CNKSR2: variants seen among roughly 807,000 people sequenced by gnomAD.
CNKSR2 encodes connector enhancer of kinase suppressor of Ras 2.
In CNKSR2, 14 loss-of-function variants were observed where a neutral mutation model predicts 84.4. The observed-to-expected ratio is 0.17, with a 90% confidence interval of 0.11 to 0.26. CNKSR2 has a LOEUF of 0.26. Ranked by LOEUF, CNKSR2 falls within the 10% of genes least tolerant of loss-of-function variation. The pLI, the probability that CNKSR2 is intolerant of heterozygous loss-of-function variation, is 1.00. For missense variants in CNKSR2, 485 were observed against 771.2 expected, an observed-to-expected ratio of 0.63 and a Z score of 4.40; for synonymous variants, 275 against 277.9, an observed-to-expected ratio of 0.99 and a Z score of 0.10.
intron 4 of CNKSR2, among the ~76,000 whole-genome samples, chrX:21,469,558 C>A (rs1157582892): frequency 9.6e-6 from 1 of 104,332 alleles, no homozygotes; most frequent in Admixed American, 1.0e-4. Context: ...TTTTTTTTTT[C>A]AAAATTATCC....
intron 5 of CNKSR2, among the ~76,000 whole-genome samples, chrX:21,477,408 C>CT (rs1424961105): frequency 2.3e-4 from 25 of 109,643 alleles, no homozygotes; most frequent in African/African-American, 6.9e-4. Context: ...TCTTTTTTCT[C>CT]TTTTTTTTTC....
At chrX:21,476,823 A>G (rs2091265175) in intron 5 of CNKSR2, among the ~76,000 whole-genome samples, 1 of 112,068 alleles carries the variant, frequency 8.9e-6, no homozygotes, top group Admixed American at 9.5e-5. Context: ...ATTATGTTTC[A>G]CTTCTATTGA....
At position 21,450,760 on chromosome X, in the gene CNKSR2, A is replaced by G. The variant is rs2090917717; in HGVS notation, c.519+9979A>G. 3.6e-5 allele frequency among the ~76,000 whole-genome samples: 4 copies of G among 111,836 alleles called. No homozygotes were observed. The Admixed American group carries it at 3.8e-4, about 11-fold the overall frequency. On this transcript the variant is annotated intron_variant, in intron 4 of 21. Transcript: ENST00000379510. ...ATAGTAGATGGTCATTACCATAAGC[A>G]ACTTGAATATCTGGAAGCTAGAGAG...
chrX:21,590,462 C>T (rs985897295), intron 13 of CNKSR2, 110 bp from the exon 14 acceptor site: 1 of 646,558 alleles, frequency 1.5e-6, no homozygotes. Flanking sequence ...AGTTCTTCCC[C>T]TAACAGTGTT....
At chrX:21,479,169 T>C (rs947140582) in intron 5 of CNKSR2, among the ~76,000 whole-genome samples, 6 of 111,772 alleles carry the variant, frequency 5.4e-5, no homozygotes, top group Non-Finnish European at 1.1e-4. Flanking sequence ...GGTATTTGAC[T>C]TTCTGTTTCT....
At chrX:21,634,775 G>T (rs191137502) in intron 20 of CNKSR2, among the ~76,000 whole-genome samples, 57 of 107,293 alleles carry the variant, frequency 5.3e-4, no homozygotes, top group African/African-American at 1.8e-3. Context: ...CAAGATGGCA[G>T]TACTTTGAGG....
chrX:21,407,051 T>C (rs2090273771), intron 1 of CNKSR2, among the ~76,000 whole-genome samples: 1 of 111,491 alleles, frequency 9.0e-6, no homozygotes, highest in South Asian at 3.7e-4. Context: ...CATTAGTAGG[T>C]CATAGTCATA....
At chrX:21,457,952 C>T (rs193203277) in intron 4 of CNKSR2, among the ~76,000 whole-genome samples, 1 of 112,185 alleles carries the variant, frequency 8.9e-6, no homozygotes, top group East Asian at 2.8e-4. Flanking sequence ...TTGTACTGTG[C>T]TGCTATTGTA....
chrX:21,403,543 T>C lies in CNKSR2; in HGVS notation c.65-22954T>C, dbSNP rs148594468. The stretch of plus-strand genomic sequence containing the variant: ...TATGACTGATGATCGTAAAGTTTAG[T>C]TATAGAGAGAAAAGAGTTAATTGGT... On this transcript the variant is annotated intron_variant, in intron 1 of 21. Transcript: ENST00000379510. Among the ~76,000 whole-genome samples, 591 of 111,640 alleles carry C rather than the reference T, an allele frequency of 5.3e-3. 3 individuals carry two copies. The highest frequency in any genetic ancestry group is 0.019 in the African/African-American group (573 of 30,770).
intron 18 of CNKSR2, among the ~76,000 whole-genome samples, chrX:21,602,713 A>T (rs1423589399): frequency 8.9e-6 from 1 of 111,863 alleles, no homozygotes; most frequent in African/African-American, 3.2e-5. Flanking sequence ...GGAATAAAAC[A>T]GTTCTCTGCA....
chrX:21,564,600 A>G (rs1388799552), intron 13 of CNKSR2, among the ~76,000 whole-genome samples: 1 of 111,740 alleles, frequency 8.9e-6, no homozygotes, highest in East Asian at 2.8e-4. Flanking sequence ...ATATCAAAAA[A>G]ATTTTAATCT....
At position 21,644,324 on chromosome X, in the gene CNKSR2, C is replaced by T. The variant is rs776987440; in HGVS notation, c.2693-4507C>T. On this transcript the variant is annotated intron_variant, in intron 20 of 21. Transcript: ENST00000379510. Reference sequence around the variant, plus strand: ...ATTTTACAAGATCACAGATCCCTTCCGAAATATGTACCAGAACTCGTTATC... The same window carrying T: ...ATTTTACAAGATCACAGATCCCTTCTGAAATATGTACCAGAACTCGTTATC... The T allele has an allele frequency of 1.3e-3, 150 of 111,900 alleles. 2 individuals are homozygous for T. The highest frequency in any genetic ancestry group is 4.6e-3 in the African/African-American group (141 of 30,918). 9.2% of individuals were successfully genotyped at this position (111,900 alleles called of 1,213,427 possible). A position where few individuals can be genotyped will look rare whatever the true frequency, so the allele number is the denominator to read the frequency against.
chrX:21,432,896 A>G, intron 3 of CNKSR2, 82 bp downstream of exon 3: 2 of 1,006,822 alleles, frequency 2.0e-6, no homozygotes, highest in Non-Finnish European at 2.8e-6. Context: ...TTTGTTGTGA[A>G]AGGATTGGAC....
At chrX:21,589,250 A>G (rs1215052144) in intron 13 of CNKSR2, among the ~76,000 whole-genome samples, 1 of 112,367 alleles carries the variant, frequency 8.9e-6, no homozygotes, top group Admixed American at 9.4e-5. Context: ...TAGGACTGAT[A>G]CACATCCGTA....
At chrX:21,555,672 G>A (rs1374233414) in intron 11 of CNKSR2, among the ~76,000 whole-genome samples, 2 of 111,324 alleles carry the variant, frequency 1.8e-5, no homozygotes, top group Non-Finnish European at 3.8e-5. Context: ...CAAAATATTG[G>A]CTAAAATATT....
At chrX:21,591,454 C>G (rs973840002) in intron 15 of CNKSR2, 1 of 184,160 alleles carries the variant, frequency 5.4e-6, no homozygotes, top group African/African-American at 3.0e-5. Flanking sequence ...AATAAAAATG[C>G]GAAGCTAATC....
At chrX:21,558,389 T>C (rs1437879997) in intron 11 of CNKSR2, among the ~76,000 whole-genome samples, 1 of 111,330 alleles carries the variant, frequency 9.0e-6, no homozygotes, top group Non-Finnish European at 1.9e-5. Context: ...TTTAAAATAC[T>C]TATTTTTATT....
At chrX:21,381,128 A>C (rs2089892669) in intron 1 of CNKSR2, among the ~76,000 whole-genome samples, 1 of 112,202 alleles carries the variant, frequency 8.9e-6, no homozygotes, top group African/African-American at 3.2e-5. Flanking sequence ...AAAAGAAGCC[A>C]AAGAGTTGTG....
At chrX:21,468,371 G>T (rs1216664788) in intron 4 of CNKSR2, among the ~76,000 whole-genome samples, 1 of 111,174 alleles carries the variant, frequency 9.0e-6, no homozygotes, top group Non-Finnish European at 1.9e-5. Flanking sequence ...AATAGTATTT[G>T]TTGTGTTTCC....
Sources: allele counts gnomAD v4.1 joint callset (sites outside exome capture counted in the v4.1 genomes callset), GRCh38; gene constraint gnomAD v4.1.1; transcripts MANE v1.5; gene names NCBI Gene and HGNC (gene_info 2026-07-23, HGNC 2026-07-21).